Variants in ADORA2B observed in about 807,000 individuals in gnomAD.
ADORA2B encodes adenosine A2b receptor.
A neutral mutation model predicts 20.8 loss-of-function variants in ADORA2B; 18 were observed. That is an observed-to-expected ratio of 0.87 (90% CI 0.60 to 1.29). ADORA2B has a LOEUF of 1.29. Among genes scored for constraint, ADORA2B ranks in the 50% most tolerant of loss-of-function variants. ADORA2B has a pLI of 0.00. For missense variants in ADORA2B, 441 were observed against 422.7 expected, an observed-to-expected ratio of 1.04 and a Z score of -0.38; for synonymous variants, 179 against 178.3, an observed-to-expected ratio of 1.00 and a Z score of -0.03.
At chr17:15,937,174 G>T in the ADORA2B span, among the ~76,000 whole-genome samples, 1 of 152,168 alleles carries the variant, frequency 6.6e-6, no homozygotes, top group Non-Finnish European at 1.5e-5. Context: ...ATTGGATCCT[G>T]CCACCCCAGG....
the ADORA2B span, among the ~76,000 whole-genome samples, chr17:15,907,143 C>T: frequency 6.6e-6 from 1 of 152,036 alleles, no homozygotes; most frequent in South Asian, 2.1e-4. Context: ...TGCCAGGCTT[C>T]AGTCTGTGTG....
At chr17:15,959,016 C>A (rs1020447945) in intron 1 of ADORA2B, among the ~76,000 whole-genome samples, 1 of 152,044 alleles carries the variant, frequency 6.6e-6, no homozygotes, top group African/African-American at 2.4e-5. Context: ...TGTGTATAAT[C>A]GGGGGTGGGA....
rs562568024 is a variant in ADORA2B at position 15,947,685 on chromosome 17, C to G, written c.335+2102C>G. On this transcript the variant is annotated intron_variant, in intron 1 of 1. Coordinates refer to ENST00000304222, the MANE Select transcript of ADORA2B (RefSeq NM_000676.4). ...AACCCTGGTGGGTGGGAGAGGTGTA[C>G]TAGGGCCCCCAGGGCTTCCCTCTCA... 8.9e-4 allele frequency among the ~76,000 whole-genome samples: 135 copies of G among 152,316 alleles called. 1 individual carries two copies. In the Middle Eastern group the frequency reaches 0.024, roughly 27 times the overall value.
At chr17:15,902,195 A>G in the ADORA2B span, among the ~76,000 whole-genome samples, 951 of 149,858 alleles carry the variant, frequency 6.3e-3, 6 homozygotes, top group Middle Eastern at 0.027. Flanking sequence ...GTTTAGCATT[A>G]GCATGTACCA....
chr17:15,874,090 A>G, the ADORA2B span, among the ~76,000 whole-genome samples: 1 of 139,308 alleles, frequency 7.2e-6, no homozygotes, highest in African/African-American at 2.9e-5. Context: ...ATGTATATAT[A>G]TGTATACACA....
chr17:15,897,512 G>A, the ADORA2B span, among the ~76,000 whole-genome samples: 1 of 152,132 alleles, frequency 6.6e-6, no homozygotes, highest in Admixed American at 6.6e-5. Context: ...AGGCTGCAGT[G>A]AGCCAAGATC....
At chr17:15,893,744 A>G in the ADORA2B span, among the ~76,000 whole-genome samples, 7 of 152,264 alleles carry the variant, frequency 4.6e-5, no homozygotes, top group South Asian at 2.1e-4. Context: ...AAGAAGTCCT[A>G]CATTAAGAAA....
chr17:15,927,825 C>T, the ADORA2B span, among the ~76,000 whole-genome samples: 1 of 152,136 alleles, frequency 6.6e-6, no homozygotes, highest in Non-Finnish European at 1.5e-5. Context: ...ATGGAGAAGA[C>T]TCGGATCAAG....
the ADORA2B span, among the ~76,000 whole-genome samples, chr17:15,937,129 A>G: frequency 6.6e-6 from 1 of 152,206 alleles, no homozygotes; most frequent in Non-Finnish European, 1.5e-5. Flanking sequence ...TTGAAAGCAC[A>G]ACATTTAAAA....
the ADORA2B span, among the ~76,000 whole-genome samples, chr17:15,895,868 A>G: frequency 6.6e-6 from 1 of 152,160 alleles, no homozygotes; most frequent in Non-Finnish European, 1.5e-5. Context: ...AACAAGAGAC[A>G]AGGCCCTGCA....
chr17:15,944,285 G>A (rs534938396), upstream of ADORA2B, among the ~76,000 whole-genome samples: 23 of 152,262 alleles, frequency 1.5e-4, no homozygotes, highest in South Asian at 4.1e-3. The surrounding 1 kb of genome is among the most constrained non-coding windows in gnomAD (Gnocchi z 4.8). Context: ...AGTCGGCAGT[G>A]GGGTGTTAGG....
the ADORA2B span, among the ~76,000 whole-genome samples, chr17:15,861,951 C>T: frequency 6.6e-6 from 1 of 152,154 alleles, no homozygotes; most frequent in Non-Finnish European, 1.5e-5. Flanking sequence ...CCACCCCTGC[C>T]CACCTGCCAG....
At chr17:15,951,525 C>T (rs1266585978) in intron 1 of ADORA2B, among the ~76,000 whole-genome samples, 1 of 152,250 alleles carries the variant, frequency 6.6e-6, no homozygotes, top group Non-Finnish European at 1.5e-5. Context: ...TTAAAACCAG[C>T]AGGTGCTGTT....
chr17:15,938,039 C>A, the ADORA2B span, among the ~76,000 whole-genome samples: 2 of 152,144 alleles, frequency 1.3e-5, no homozygotes, highest in African/African-American at 4.8e-5. Context: ...TCCACGCCTC[C>A]ATTTCCTCAA....
the ADORA2B span, among the ~76,000 whole-genome samples, chr17:15,916,314 C>T: frequency 2.0e-5 from 3 of 152,194 alleles, no homozygotes; most frequent in Non-Finnish European, 2.9e-5. Context: ...GGGTCTGAGC[C>T]AGCCCCTGAG....
At chr17:15,953,885 C>A (rs1969935938) in intron 1 of ADORA2B, among the ~76,000 whole-genome samples, 1 of 152,238 alleles carries the variant, frequency 6.6e-6, no homozygotes, top group East Asian at 1.9e-4. Flanking sequence ...CTGTCAGAGG[C>A]AGCCACTATT....
chr17:15,959,650 G>A (rs959219606), intron 1 of ADORA2B, among the ~76,000 whole-genome samples: 10 of 152,052 alleles, frequency 6.6e-5, no homozygotes, highest in African/African-American at 9.7e-5. Flanking sequence ...ATAGGCGCAC[G>A]CCACCATGCC....
chr17:15,946,295 C>T (rs1379925634), intron 1 of ADORA2B, among the ~76,000 whole-genome samples: 1 of 152,224 alleles, frequency 6.6e-6, no homozygotes, highest in Admixed American at 6.5e-5. Context: ...CTATTTATCT[C>T]CTGCTGCCCT....
the ADORA2B span, among the ~76,000 whole-genome samples, chr17:15,913,027 G>A: frequency 5.3e-5 from 8 of 152,204 alleles, no homozygotes; most frequent in African/African-American, 1.9e-4. Flanking sequence ...GAAAGTGGTC[G>A]TATTAAATGA....
Sources: allele counts gnomAD v4.1 joint callset (sites outside exome capture counted in the v4.1 genomes callset), GRCh38; gene constraint gnomAD v4.1.1; non-coding constraint Gnocchi (gnomAD v3.1); transcripts MANE v1.5; gene names NCBI Gene and HGNC (gene_info 2026-07-23, HGNC 2026-07-21).